The following TMCC1 variants were observed in gnomAD, a reference collection of about 807,000 sequenced individuals.
TMCC1 encodes the protein transmembrane and coiled-coil domains protein 1.
In TMCC1, 15 loss-of-function variants were observed where a neutral mutation model predicts 52.4. The observed-to-expected ratio is 0.29, with a 90% CI of 0.19 to 0.44. The LOEUF is 0.44. TMCC1 is among the 20% of genes least tolerant of loss of function. The probability of loss-of-function intolerance (pLI) is 1.00; values close to 1 mark genes in which losing one functional copy is unlikely to be tolerated. For synonymous variants in TMCC1, 279 were observed against 301.9 expected (o/e 0.92, Z 0.79); for missense variants, 503 against 806.0 (o/e 0.62, Z 4.55).
intron 4 of TMCC1, among the ~76,000 whole-genome samples, chr3:129,717,013 A>C (rs1174730306): frequency 6.6e-6 from 1 of 152,164 alleles, no homozygotes; most frequent in African/African-American, 2.4e-5. Context: ...AATTTTTTCT[A>C]ATGAATTTTC....
At position 129,651,339 on chromosome 3, in the gene TMCC1, G is replaced by GA. The variant is rs1417539887; in HGVS notation, c.*141dup. 5 of 1,021,572 alleles carry GA rather than the reference G, an allele frequency of 4.9e-6. No individual in the cohort carries two copies. Among genetic ancestry groups the GA allele is most frequent in the African/African-American group, 1.6e-5 (1 of 62,598 alleles). 63.3% of individuals were successfully genotyped at this position (1,021,572 alleles called of 1,614,324 possible). The stretch of plus-strand genomic sequence containing the variant: ...TACTATTGCAATTGCGTCTCTTGAA[G>GA]AAAAAAACATTATTCTAAATGTAAA... On this transcript the variant is annotated 3_prime_UTR_variant, in exon 7 of 7. Transcript: ENST00000393238. This position sits in a 1 kb window ranked among gnomAD's most constrained non-coding sequence, Gnocchi z 5.1.
At chr3:129,886,709 G>A (rs2061721287) in intron 1 of TMCC1, among the ~76,000 whole-genome samples, 1 of 152,006 alleles carries the variant, frequency 6.6e-6, no homozygotes, top group African/African-American at 2.4e-5. Flanking sequence ...GGAGGCTGAG[G>A]CGGACCAATC....
chr3:129,855,149 A>C (rs1019112824), intron 2 of TMCC1, among the ~76,000 whole-genome samples: 6 of 152,232 alleles, frequency 3.9e-5, no homozygotes, highest in Non-Finnish European at 8.8e-5. Flanking sequence ...AAGTTTACTT[A>C]TGACAGGCCT....
chr3:129,790,180 TA>T (rs1401936257), intron 4 of TMCC1, among the ~76,000 whole-genome samples: 4 of 152,202 alleles, frequency 2.6e-5, no homozygotes, highest in Non-Finnish European at 4.4e-5. Context: ...ACCTCTACCC[TA>T]AAGTAAGTCT....
chr3:129,677,619 T>TAA (rs1281838618), intron 4 of TMCC1, among the ~76,000 whole-genome samples: 3 of 152,208 alleles, frequency 2.0e-5, no homozygotes, highest in African/African-American at 7.2e-5. Flanking sequence ...GCAATTGTGA[T>TAA]AAGATGAAAT....
intron 4 of TMCC1, among the ~76,000 whole-genome samples, chr3:129,738,612 C>T (rs950740662): frequency 6.6e-6 from 1 of 152,110 alleles, no homozygotes; most frequent in East Asian, 1.9e-4. Flanking sequence ...GACAATTGAA[C>T]TAGAAACATA....
In TMCC1 at chr3:129,649,928, G is replaced by C. The variant is rs2086225893; in HGVS notation, c.*1553C>G. 6.6e-6 allele frequency: 1 copy of C among 152,574 alleles called. No individual in the cohort carries two copies. Among genetic ancestry groups the C allele is most frequent in the African/African-American group, 2.4e-5 (1 of 41,420 alleles). The allele number at this position is 152,574 out of a possible 1,614,324, so 9.5% of individuals were successfully genotyped here. A position where few individuals can be genotyped will look rare whatever the true frequency, so the allele number is the denominator to read the frequency against. ...AGTTCATTTTTCAAAACCATCTATAGAAGTCCACTGAGCATAATTAGGTTA... is the reference window on the plus strand; with the variant it reads ...AGTTCATTTTTCAAAACCATCTATACAAGTCCACTGAGCATAATTAGGTTA... On this transcript the variant is annotated 3_prime_UTR_variant, in exon 7 of 7. Coordinates refer to ENST00000393238, the MANE Select transcript of TMCC1 (RefSeq NM_001017395.5).
At chr3:129,788,349 A>G (rs2056188377) in intron 4 of TMCC1, among the ~76,000 whole-genome samples, 1 of 152,234 alleles carries the variant, frequency 6.6e-6, no homozygotes. Context: ...ACATATTTCT[A>G]AATTAGTTTC....
At chr3:129,852,147 T>C (rs2059941621) in intron 2 of TMCC1, among the ~76,000 whole-genome samples, 1 of 151,758 alleles carries the variant, frequency 6.6e-6, no homozygotes, top group Non-Finnish European at 1.5e-5. Flanking sequence ...CGTGAGACCC[T>C]GTCTGAAAAA....
chr3:129,889,233 C>T (rs1437269591), intron 1 of TMCC1, among the ~76,000 whole-genome samples: 2 of 152,168 alleles, frequency 1.3e-5, no homozygotes, highest in Non-Finnish European at 2.9e-5. Flanking sequence ...GATCGTTCCA[C>T]TGCACTCCAG....
chr3:129,789,528 T>C (rs1211361002), intron 4 of TMCC1, among the ~76,000 whole-genome samples: 1 of 152,224 alleles, frequency 6.6e-6, no homozygotes, highest in Non-Finnish European at 1.5e-5. Context: ...TCGCCCAGGC[T>C]AGAGTGCAGT....
At chr3:129,809,299 A>G (rs2107790664) in intron 4 of TMCC1, among the ~76,000 whole-genome samples, 1 of 152,110 alleles carries the variant, frequency 6.6e-6, no homozygotes, top group Admixed American at 6.5e-5. Context: ...AAATCTACAG[A>G]AAGTTGTTCA....
intron 3 of TMCC1, among the ~76,000 whole-genome samples, chr3:129,831,233 C>CA (rs2058898587): frequency 1.3e-5 from 2 of 152,136 alleles, no homozygotes; most frequent in African/African-American, 4.8e-5. Context: ...TGCACCCGGC[C>CA]AAATCATTTA....
intron 4 of TMCC1, among the ~76,000 whole-genome samples, chr3:129,675,090 T>A (rs2088295937): frequency 6.6e-6 from 1 of 152,150 alleles, no homozygotes; most frequent in Non-Finnish European, 1.5e-5. Context: ...TCTGCCCGCC[T>A]CCCAAAGTGC....
At chr3:129,723,959 C>T (rs1298499311) in intron 4 of TMCC1, among the ~76,000 whole-genome samples, 1 of 143,148 alleles carries the variant, frequency 7.0e-6, no homozygotes, top group Admixed American at 7.2e-5. Flanking sequence ...ACATATACAA[C>T]ATACGGTTTC....
chr3:129,800,498 T>C lies in TMCC1; in HGVS notation c.576+27305A>G, dbSNP rs138386193. Among the ~76,000 whole-genome samples, 690 of 152,306 alleles carry C rather than the reference T, an allele frequency of 4.5e-3. 8 individuals are homozygous for C. Among genetic ancestry groups the C allele is most frequent in the African/African-American group, 0.016 (656 of 41,566 alleles). The stretch of plus-strand genomic sequence containing the variant: ...CCTTGCCAACTCTTGATTTTTTTTT[T>C]TTAATTGGATCCATTCTGGTAGAGG... On this transcript the variant is annotated intron_variant, in intron 4 of 6. Coordinates refer to ENST00000393238, the MANE Select transcript of TMCC1 (RefSeq NM_001017395.5).
At chr3:129,823,276 A>G (rs2058505813) in intron 4 of TMCC1, among the ~76,000 whole-genome samples, 1 of 152,128 alleles carries the variant, frequency 6.6e-6, no homozygotes, top group African/African-American at 2.4e-5. Context: ...AAGTGAGCCG[A>G]GATCACGCCA....
intron 2 of TMCC1, among the ~76,000 whole-genome samples, chr3:129,853,925 G>C (rs1016610387): frequency 6.6e-6 from 1 of 152,044 alleles, no homozygotes; most frequent in Non-Finnish European, 1.5e-5. Flanking sequence ...AAGTTCTGCT[G>C]ACTATATCTC....
intron 4 of TMCC1, among the ~76,000 whole-genome samples, chr3:129,782,798 T>C (rs919310496): frequency 1.3e-5 from 2 of 152,202 alleles, no homozygotes; most frequent in Non-Finnish European, 2.9e-5. Flanking sequence ...TTATTTCCTT[T>C]TTTGTTTTAT....
Sources: gnomAD v4.1 joint callset for allele counts (sites outside exome capture counted in the v4.1 genomes callset) on GRCh38, gnomAD v4.1.1 for gene constraint, Gnocchi (gnomAD v3.1) non-coding constraint, MANE v1.5 for transcripts, NCBI Gene and HGNC (gene_info 2026-07-23, HGNC 2026-07-21) for gene names.